Variants in TRIM9 observed in about 807,000 individuals in gnomAD.
The protein encoded by TRIM9 is tripartite motif containing 9.
TRIM9 carries 26 observed loss-of-function variants against 78.3 expected under a neutral mutation model. That is an observed-to-expected ratio of 0.33 (90% CI 0.24 to 0.46). The LOEUF is 0.46. Among genes scored for constraint, TRIM9 ranks in the 20% least tolerant of loss-of-function variants. TRIM9 has a pLI of 1.00. For synonymous variants in TRIM9, 398 were observed against 416.5 expected (o/e 0.96, Z 0.54); for missense variants, 787 against 1,036.4 (o/e 0.76, Z 3.30).
chr14:51,026,528 TC>T (rs1443818084), intron 1 of TRIM9, among the ~76,000 whole-genome samples: 1 of 152,142 alleles, frequency 6.6e-6, no homozygotes, highest in Non-Finnish European at 1.5e-5. Flanking sequence ...AGACTCCCTT[TC>T]CTGCACTGTC....
chr14:50,983,225 C>T (rs1055971402), intron 9 of TRIM9, among the ~76,000 whole-genome samples, 155 bp downstream of exon 9: 5 of 152,128 alleles, frequency 3.3e-5, no homozygotes, highest in African/African-American at 4.8e-5. Context: ...GGCATCTTTT[C>T]CATTTTTTAA....
At chr14:51,073,405 T>C (rs1393472143) in intron 1 of TRIM9, among the ~76,000 whole-genome samples, 1 of 152,178 alleles carries the variant, frequency 6.6e-6, no homozygotes, top group East Asian at 1.9e-4. Context: ...ATCAAAAGGC[T>C]CACCAATGAC....
intron 5 of TRIM9, among the ~76,000 whole-genome samples, chr14:51,003,814 G>T (rs575965841): frequency 6.6e-6 from 1 of 152,220 alleles, no homozygotes; most frequent in African/African-American, 2.4e-5. Context: ...CATGTGCTGA[G>T]AATTAGTTTT....
rs189454489 is a variant in TRIM9, at chr14:51,022,901, A to G, written c.975T>C (p.Asp325=). 4.2e-5 allele frequency: 67 copies of G among 1,614,136 alleles called. No homozygotes were observed. In the African/African-American group the frequency reaches 8.5e-4, roughly 21 times the overall value. The stretch of plus-strand genomic sequence containing the variant: ...GCTGGGCTTTTCTTCTGTTGAGGGC[A>G]TCGATGAGGGCATCACATTGGGCCA... ...CLVAQCDALI[D]ALNRRKAQLL... is the part of the protein sequence containing the mutation. Residue 325 remains aspartate (D), a synonymous_variant, in exon 3 of 13, where the codon GAT becomes GAC. Coordinates refer to ENST00000684578, the MANE Select transcript of TRIM9 (RefSeq NM_001387360.1).
intron 3 of TRIM9, among the ~76,000 whole-genome samples, chr14:51,010,762 C>T (rs1328446974): frequency 6.6e-6 from 1 of 152,158 alleles, no homozygotes; most frequent in Non-Finnish European, 1.5e-5. Flanking sequence ...GACCTTGGTG[C>T]ATCAACGAAC....
In TRIM9 at chr14:51,095,094, C is replaced by G. The variant is rs925060189; in HGVS notation, c.-155G>C. ...GCACTGGCACGGACACCCAGAGAGGCGCTAGCTCTGTGAGCCGCAGCCGCG... is the reference window on the plus strand; with the variant it reads ...GCACTGGCACGGACACCCAGAGAGGGGCTAGCTCTGTGAGCCGCAGCCGCG... On this transcript the variant is annotated 5_prime_UTR_variant, in exon 1 of 13. Transcript: ENST00000684578. The G allele has an allele frequency of 2.0e-5, 10 of 509,110 alleles. No individual in the cohort carries two copies. The highest frequency in any genetic ancestry group is 2.2e-5 in the Non-Finnish European group (7 of 321,822). The allele number at this position is 509,110 out of a possible 1,614,324, so 31.5% of individuals were successfully genotyped here. A position where few individuals can be genotyped will look rare whatever the true frequency, so the allele number is the denominator to read the frequency against.
At chr14:51,013,300 T>C (rs975582008) in intron 3 of TRIM9, among the ~76,000 whole-genome samples, 4 of 151,996 alleles carry the variant, frequency 2.6e-5, no homozygotes, top group African/African-American at 9.7e-5. Context: ...CTTTTTCCCA[T>C]TGGATAGTCT....
rs565632801 is a variant in TRIM9, at chr14:51,068,489, G to A, written c.822+25629C>T. Among the ~76,000 whole-genome samples, 145 of 152,276 alleles carry A rather than the reference G, an allele frequency of 9.5e-4. 1 individual carries two copies. In the South Asian group the frequency reaches 0.028, roughly 29 times the overall value. On this transcript the variant is annotated intron_variant, in intron 1 of 12. Transcript: ENST00000684578. Reference sequence around the variant, plus strand: ...TTTATTAAGAGCTGCCTGTGTGCCTGCAACGTGCCAAGTACTTTATGTGGA... The same window carrying A: ...TTTATTAAGAGCTGCCTGTGTGCCTACAACGTGCCAAGTACTTTATGTGGA...
At chr14:51,011,518 T>C (rs546949756) in intron 3 of TRIM9, among the ~76,000 whole-genome samples, 1 of 152,306 alleles carries the variant, frequency 6.6e-6, no homozygotes, top group African/African-American at 2.4e-5. Context: ...AGAAGGGTTT[T>C]CCAGGAACCA....
chr14:51,052,691 T>C (rs574252560), intron 1 of TRIM9, among the ~76,000 whole-genome samples: 1 of 152,350 alleles, frequency 6.6e-6, no homozygotes, highest in South Asian at 2.1e-4. Context: ...GCACCATGCA[T>C]GCAGACCTCA....
intron 1 of TRIM9, among the ~76,000 whole-genome samples, chr14:51,026,591 C>CCTTT (rs1380819134): frequency 3.9e-5 from 6 of 152,080 alleles, no homozygotes; most frequent in Non-Finnish European, 7.4e-5. Context: ...ATTCATCTAC[C>CCTTT]CTTTCCTTTC....
Position 51,054,428 on chromosome 14 carries a change from A to G in TRIM9, c.823-29068T>C, listed in dbSNP as rs546001161. On this transcript the variant is annotated intron_variant, in intron 1 of 12. Coordinates refer to ENST00000684578, the MANE Select transcript of TRIM9 (RefSeq NM_001387360.1). ...GCTGAGACTACAGGCGTAGGCCACC[A>G]TGCCCAGCTGTTTTTTGTATTTTTT... is the stretch of plus-strand genomic sequence containing the variant. Among the ~76,000 whole-genome samples, 5 of 128,904 alleles carry G rather than the reference A, an allele frequency of 3.9e-5. No individual in the cohort carries two copies. In the South Asian group the frequency reaches 1.4e-3, roughly 37 times the overall value. 84.6% of individuals were successfully genotyped at this position (128,904 alleles called of 152,430 possible).
intron 8 of TRIM9, among the ~76,000 whole-genome samples, 160 bp downstream of exon 8, chr14:50,985,796 G>A (rs896745822): frequency 2.0e-5 from 3 of 152,212 alleles, no homozygotes; most frequent in Non-Finnish European, 4.4e-5. Flanking sequence ...ACGCCACAAA[G>A]CTCCACCATC....
At chr14:51,080,397 C>T (rs2063187057) in intron 1 of TRIM9, among the ~76,000 whole-genome samples, 1 of 149,532 alleles carries the variant, frequency 6.7e-6, no homozygotes, top group South Asian at 2.1e-4. Flanking sequence ...TGGAAGAGTC[C>T]CCAGAAGGGA....
At chr14:51,085,494 A>G (rs1413622063) in intron 1 of TRIM9, among the ~76,000 whole-genome samples, 2 of 152,244 alleles carry the variant, frequency 1.3e-5, no homozygotes, top group African/African-American at 4.8e-5. Context: ...TCCTCGGTTC[A>G]CATATTCCTT....
At chr14:51,090,505 G>A (rs1234001735) in intron 1 of TRIM9, 1 of 152,154 alleles carries the variant, frequency 6.6e-6, no homozygotes. Context: ...ACAAGATTAA[G>A]AATGAATAGT....
At chr14:51,085,699 C>A (rs139833871) in intron 1 of TRIM9, among the ~76,000 whole-genome samples, 6 of 152,010 alleles carry the variant, frequency 3.9e-5, no homozygotes, top group Non-Finnish European at 8.8e-5. Context: ...ACTTAAAATG[C>A]CTATGGATTT....
At chr14:51,069,141 CTG>C (rs1566633690) in intron 1 of TRIM9, among the ~76,000 whole-genome samples, 1 of 152,150 alleles carries the variant, frequency 6.6e-6, no homozygotes, top group East Asian at 1.9e-4. Flanking sequence ...TGGAATCAGT[CTG>C]AGAGAGTTGG....
intron 1 of TRIM9, among the ~76,000 whole-genome samples, chr14:51,091,625 A>C (rs981104337): frequency 2.6e-4 from 39 of 152,206 alleles, no homozygotes; most frequent in Admixed American, 6.5e-5. Flanking sequence ...TTTGTTGTTC[A>C]TCTAACAGAT....
Sources: gnomAD v4.1 joint callset for allele counts (sites outside exome capture counted in the v4.1 genomes callset) on GRCh38, gnomAD v4.1.1 for gene constraint, MANE v1.5 for transcripts, NCBI Gene and HGNC (gene_info 2026-07-23, HGNC 2026-07-21) for gene names.